OR2L13: variants seen among roughly 807,000 people sequenced by gnomAD.
OR2L13 encodes the protein olfactory receptor 2L13.
In OR2L13, 14 loss-of-function variants were observed where a neutral mutation model predicts 15.3. The ratio of observed to expected loss-of-function variants is 0.91; its 90% CI spans 0.60 to 1.43. OR2L13 has a LOEUF of 1.43. Among genes scored for constraint, OR2L13 ranks in the 40% most tolerant of loss-of-function variants. OR2L13 has a pLI of 0.00. For synonymous variants in OR2L13, 152 were observed against 142.9 expected (o/e 1.06, Z -0.45); for missense variants, 367 against 387.9 (o/e 0.95, Z 0.45).
At position 248,099,466 on chromosome 1, in the gene OR2L13, A is replaced by G. The variant is rs538726456; in HGVS notation, c.91A>G (p.Ile31Val). The G allele has an allele frequency of 5.5e-5, 89 of 1,613,166 alleles. No individual in the cohort carries two copies. Among genetic ancestry groups the G allele is most frequent in the Admixed American group, 1.2e-4 (7 of 59,958 alleles). ...TGGAATATTTCTCTTGTGCCTTATC[A>G]TCCTCATATTCTTTCTGGCCTCGGT... Residue 31 changes from isoleucine (I) to valine (V), a missense_variant, in exon 3 of 3, where the codon ATC (isoleucine) becomes GTC (valine). Coordinates refer to ENST00000641714, the Ensembl canonical transcript of OR2L13.
the OR2L13 span, among the ~76,000 whole-genome samples, chr1:247,946,156 G>T: frequency 6.6e-6 from 1 of 152,032 alleles, no homozygotes; most frequent in Non-Finnish European, 1.5e-5. Flanking sequence ...ATTGTTTATT[G>T]TTAGTGTATA....
At chr1:247,997,830 A>T in the OR2L13 span, among the ~76,000 whole-genome samples, 2 of 152,192 alleles carry the variant, frequency 1.3e-5, no homozygotes, top group Non-Finnish European at 2.9e-5. Flanking sequence ...TTCAGTGGAC[A>T]TTCCCTAGTG....
chr1:247,975,677 A>G, the OR2L13 span: 1 of 973,782 alleles, frequency 1.0e-6, no homozygotes, highest in Non-Finnish European at 1.6e-6. Context: ...TTTCTGCCTT[A>G]GAGTCCAAGC....
At chr1:248,076,743 C>G in the OR2L13 span, among the ~76,000 whole-genome samples, 1 of 152,118 alleles carries the variant, frequency 6.6e-6, no homozygotes, top group African/African-American at 2.4e-5. Flanking sequence ...AGTTTTTGGG[C>G]TGAGATGATG....
upstream of OR2L13, among the ~76,000 whole-genome samples, chr1:248,096,436 C>T (rs929510977): frequency 1.3e-5 from 2 of 151,568 alleles, no homozygotes; most frequent in Non-Finnish European, 2.9e-5. Flanking sequence ...AAAAAGGTAA[C>T]ATGAACTTGT....
the OR2L13 span, chr1:248,021,968 G>A: frequency 2.5e-4 from 401 of 1,613,234 alleles, 3 homozygotes; most frequent in South Asian, 3.8e-3. Flanking sequence ...ACAATCAAAC[G>A]TCAACTGATT....
chr1:248,004,144 T>G, the OR2L13 span: 1 of 1,258,474 alleles, frequency 7.9e-7, no homozygotes, highest in Non-Finnish European at 1.1e-6. Flanking sequence ...AAATATCATT[T>G]CATTCCTAGA....
chr1:247,941,371 G>A, the OR2L13 span, among the ~76,000 whole-genome samples: 24 of 152,270 alleles, frequency 1.6e-4, no homozygotes, highest in African/African-American at 5.8e-4. Context: ...TCTGAGGCAT[G>A]TCAAAAGAGA....
the OR2L13 span, among the ~76,000 whole-genome samples, chr1:248,058,784 C>T: frequency 6.6e-6 from 1 of 151,824 alleles, no homozygotes; most frequent in Non-Finnish European, 1.5e-5. Context: ...ATATGCATTT[C>T]TAAGAAAGTC....
At chr1:248,085,469 C>CAAAAAAAA in the OR2L13 span, among the ~76,000 whole-genome samples, 55 of 67,878 alleles carry the variant, frequency 8.1e-4, no homozygotes, top group African/African-American at 2.1e-3. Flanking sequence ...AGAGAAGCAC[C>CAAAAAAAA]AAAAAAAAAA....
the OR2L13 span, among the ~76,000 whole-genome samples, chr1:247,999,413 T>G: frequency 6.6e-6 from 1 of 152,086 alleles, no homozygotes; most frequent in Non-Finnish European, 1.5e-5. Flanking sequence ...GGTTGTGACT[T>G]GGAAGCACAC....
the OR2L13 span, among the ~76,000 whole-genome samples, chr1:248,031,630 G>A: frequency 1.3e-5 from 2 of 152,280 alleles, no homozygotes; most frequent in South Asian, 4.1e-4. Context: ...TGTAAATTGA[G>A]GCAATCTCCT....
the OR2L13 span, chr1:247,991,162 G>T: frequency 6.2e-7 from 1 of 1,605,892 alleles, no homozygotes; most frequent in Non-Finnish European, 8.5e-7. Context: ...GGTGATGGGG[G>T]CCCTGACACG....
At chr1:248,076,637 G>T in the OR2L13 span, among the ~76,000 whole-genome samples, 1 of 151,768 alleles carries the variant, frequency 6.6e-6, no homozygotes, top group Non-Finnish European at 1.5e-5. Flanking sequence ...TCATGATTTG[G>T]CTCTCTGTCT....
exon 3 of OR2L13, chr1:248,099,874 T>C (rs200124169): frequency 3.1e-6 from 5 of 1,614,058 alleles, no homozygotes; most frequent in Non-Finnish European, 4.2e-6. Flanking sequence ...TCATATTCCC[T>C]ACTGCAGGTC....
Position 248,099,707 on chromosome 1 carries a change from G to A in OR2L13, c.332G>A (p.Gly111Asp), listed in dbSNP as rs752563868. 2.5e-6 allele frequency: 4 copies of A among 1,613,886 alleles called. No homozygotes were observed. The East Asian group carries it at 6.7e-5, about 27-fold the overall frequency. The change falls in exon 3 of 3, where the codon GGC (glycine) becomes GAC (aspartate). Residue 111 changes from glycine to aspartate, a missense_variant. Transcript: ENST00000641714. ...TTCCTGACCATGGCGTGTTCTGAAGGCTTACTCCTGACCTCCATGGCCTAC... is the reference window on the plus strand; with the variant it reads ...TTCCTGACCATGGCGTGTTCTGAAGACTTACTCCTGACCTCCATGGCCTAC...
chr1:247,943,201 A>G, the OR2L13 span, among the ~76,000 whole-genome samples: 1 of 152,184 alleles, frequency 6.6e-6, no homozygotes, highest in Admixed American at 6.5e-5. Flanking sequence ...AAACAGAGTA[A>G]CAAATAAGTG....
At chr1:248,099,927 G>T in exon 3 of OR2L13, 2 of 1,614,082 alleles carry the variant, frequency 1.2e-6, no homozygotes, top group South Asian at 2.2e-5. Context: ...CAGCCATGTT[G>T]CTTCTTGCCT....
chr1:248,046,191 G>T, the OR2L13 span, among the ~76,000 whole-genome samples: 34 of 152,038 alleles, frequency 2.2e-4, no homozygotes, highest in Admixed American at 1.9e-3. Context: ...AATTTAATAG[G>T]AGAAAATAGC....
Sources: gnomAD v4.1 joint callset for allele counts (sites outside exome capture counted in the v4.1 genomes callset) on GRCh38, gnomAD v4.1.1 for gene constraint, MANE v1.5 for transcripts, NCBI Gene and HGNC (gene_info 2026-07-23, HGNC 2026-07-21) for gene names.